HNRNPC: variants seen among roughly 807,000 people sequenced by gnomAD.
HNRNPC encodes heterogeneous nuclear ribonucleoprotein C, also known as heterogeneous nuclear ribonucleoproteins C1/C2.
In HNRNPC, 3 loss-of-function variants were observed where a neutral mutation model predicts 33.2. That is an observed-to-expected ratio of 0.09 (90% CI 0.04 to 0.23). HNRNPC has a LOEUF of 0.23. Ranked by LOEUF, HNRNPC falls within the 10% of genes least tolerant of loss-of-function variation. The pLI is 1.00. For synonymous variants in HNRNPC, 121 were observed against 126.7 expected (o/e 0.96, Z 0.30); for missense variants, 143 against 366.7 (o/e 0.39, Z 4.98).
intron 7 of HNRNPC, 116 bp from the exon 8 acceptor site, chr14:21,211,682 C>A: frequency 2.1e-6 from 3 of 1,421,896 alleles, no homozygotes; most frequent in South Asian, 2.5e-5. Context: ...CACAAATACC[C>A]TTCCCAATTC....
At chr14:21,260,716 G>A (rs1878088758) in intron 2 of HNRNPC, among the ~76,000 whole-genome samples, 1 of 151,888 alleles carries the variant, frequency 6.6e-6, no homozygotes, top group Admixed American at 6.6e-5. Flanking sequence ...TGTAATTCCA[G>A]CACTTTGGGA....
At chr14:21,231,442 G>C (rs1894103634) in intron 3 of HNRNPC, 2 of 457,012 alleles carry the variant, frequency 4.4e-6, no homozygotes, top group Non-Finnish European at 8.8e-6. Context: ...ATACAGCCTA[G>C]ACCTCCGAAG....
intron 2 of HNRNPC, among the ~76,000 whole-genome samples, chr14:21,239,231 G>A (rs1895068769): frequency 6.6e-6 from 1 of 152,192 alleles, no homozygotes; most frequent in Non-Finnish European, 1.5e-5. Flanking sequence ...TTCCAGCCAG[G>A]CACTTTGGGA....
chr14:21,235,017 A>G (rs912582444), intron 2 of HNRNPC, among the ~76,000 whole-genome samples: 2 of 152,220 alleles, frequency 1.3e-5, no homozygotes, highest in Non-Finnish European at 2.9e-5. Flanking sequence ...ATCAAATTAA[A>G]GATTGGGGAA....
chr14:21,234,226 A>G lies in HNRNPC; in HGVS notation c.-33T>C, dbSNP rs771508728. On this transcript the variant is annotated 5_prime_UTR_variant, in exon 3 of 9. Transcript: ENST00000553300. Reference sequence around the variant, plus strand: ...GATGGTAAGGTTTCTCACAAAGCCGAAAACTGTAAAGCAAAAAAAAGTATA... The same window carrying G: ...GATGGTAAGGTTTCTCACAAAGCCGGAAACTGTAAAGCAAAAAAAAGTATA... 1.9e-6 allele frequency: 3 copies of G among 1,607,634 alleles called. No homozygotes were observed. Among genetic ancestry groups the G allele is most frequent in the Non-Finnish European group, 2.6e-6 (3 of 1,176,458 alleles).
At chr14:21,239,520 T>C (rs1414022768) in intron 2 of HNRNPC, among the ~76,000 whole-genome samples, 1 of 151,900 alleles carries the variant, frequency 6.6e-6, no homozygotes, top group African/African-American at 2.4e-5. Context: ...TTAGGTGCTA[T>C]TTCTTTCTTA....
intron 2 of HNRNPC, among the ~76,000 whole-genome samples, chr14:21,242,295 C>A (rs546039685): frequency 1.3e-5 from 2 of 152,238 alleles, no homozygotes; most frequent in South Asian, 4.1e-4. Flanking sequence ...CCAAACTGGT[C>A]AACATAGTGA....
chr14:21,243,657 A>C (rs1342651901), intron 2 of HNRNPC, among the ~76,000 whole-genome samples: 1 of 152,210 alleles, frequency 6.6e-6, no homozygotes, highest in Non-Finnish European at 1.5e-5. Context: ...GGCTCATATG[A>C]AAATTCTCAA....
intron 2 of HNRNPC, among the ~76,000 whole-genome samples, chr14:21,259,893 A>AC (rs918735239): frequency 4.0e-5 from 6 of 150,668 alleles, no homozygotes; most frequent in Non-Finnish European, 7.4e-5. Context: ...AAAAAAAAAA[A>AC]AAAACAATAA....
At chr14:21,260,743 C>T (rs1307440722) in intron 2 of HNRNPC, among the ~76,000 whole-genome samples, 2 of 151,718 alleles carry the variant, frequency 1.3e-5, no homozygotes, top group Non-Finnish European at 2.9e-5. Context: ...GGCGGGCAGA[C>T]CATGAGATCA....
At chr14:21,269,074 G>C (rs985191883) in intron 1 of HNRNPC, among the ~76,000 whole-genome samples, 1 of 151,946 alleles carries the variant, frequency 6.6e-6, no homozygotes, top group Non-Finnish European at 1.5e-5. Flanking sequence ...AGCGAAAAAA[G>C]GACATTTTCC....
At chr14:21,251,460 CTT>C (rs1896665882) in intron 2 of HNRNPC, among the ~76,000 whole-genome samples, 1 of 151,964 alleles carries the variant, frequency 6.6e-6, no homozygotes, top group African/African-American at 2.4e-5. Context: ...GGGCAGATAA[CTT>C]GAGGTCAGGA....
At chr14:21,251,019 T>C (rs527919196) in intron 2 of HNRNPC, among the ~76,000 whole-genome samples, 23 of 152,264 alleles carry the variant, frequency 1.5e-4, no homozygotes, top group Non-Finnish European at 2.4e-4. Context: ...CCCAGCACTC[T>C]GGGAGGCCGA....
intron 5 of HNRNPC, among the ~76,000 whole-genome samples, chr14:21,228,537 G>A (rs1273794381): frequency 3.3e-5 from 5 of 151,886 alleles, no homozygotes; most frequent in Admixed American, 6.6e-5. Context: ...GACTACAGGC[G>A]CGTGCCACCA....
chr14:21,251,253 T>C (rs539678425), intron 2 of HNRNPC, among the ~76,000 whole-genome samples: 49 of 42,682 alleles, frequency 1.1e-3, no homozygotes, highest in African/African-American at 4.6e-3. Flanking sequence ...AGAGCAAGAC[T>C]CCCTCTCAAA....
intron 1 of HNRNPC, chr14:21,264,187 T>C (rs548499236): frequency 6.6e-6 from 1 of 152,332 alleles, no homozygotes; most frequent in African/African-American, 2.4e-5. Flanking sequence ...ACTGAGATTA[T>C]AAAACCTAAG....
intron 2 of HNRNPC, among the ~76,000 whole-genome samples, chr14:21,242,564 T>C (rs1895485308): frequency 6.6e-6 from 1 of 152,218 alleles, no homozygotes; most frequent in Middle Eastern, 3.2e-3. Flanking sequence ...GAGAGTACTG[T>C]CGATGTATGC....
chr14:21,225,437 A>G (rs532847926), intron 5 of HNRNPC, among the ~76,000 whole-genome samples: 92 of 146,264 alleles, frequency 6.3e-4, no homozygotes, highest in Non-Finnish European at 1.3e-3. Context: ...GTCTCAAAAA[A>G]AGGAAAAAAA....
chr14:21,232,483 C>T (rs1277869955), intron 3 of HNRNPC, among the ~76,000 whole-genome samples: 1 of 152,076 alleles, frequency 6.6e-6, no homozygotes, highest in East Asian at 1.9e-4. Flanking sequence ...AATTCTCCTG[C>T]CTCAGCCTCC....
Sources: gnomAD v4.1 joint callset for allele counts (sites outside exome capture counted in the v4.1 genomes callset) on GRCh38, gnomAD v4.1.1 for gene constraint, MANE v1.5 for transcripts, NCBI Gene and HGNC (gene_info 2026-07-23, HGNC 2026-07-21) for gene names.